The following GALNT14 variants were observed in gnomAD, a reference collection of about 807,000 sequenced individuals.
The protein encoded by GALNT14 is UDP-GalNAc:polypeptide N-acetylgalactosaminyltransferase 14.
In GALNT14, 60 loss-of-function variants were observed where a neutral mutation model predicts 77.5. The observed-to-expected ratio is 0.77, with a 90% CI of 0.63 to 0.96. The LOEUF is 0.96. Among genes scored for constraint, GALNT14 ranks in the 40% least tolerant of loss-of-function variants. The pLI is 0.00. For missense variants in GALNT14, 710 were observed against 731.0 expected (o/e 0.97, Z 0.33); for synonymous variants, 280 against 281.7 (o/e 0.99, Z 0.06).
At chr2:31,128,599 C>A (rs1285730229) in intron 1 of GALNT14, among the ~76,000 whole-genome samples, 1 of 152,200 alleles carries the variant, frequency 6.6e-6, no homozygotes, top group Non-Finnish European at 1.5e-5. Flanking sequence ...TAGGAATGAA[C>A]AGCACAGCCT....
chr2:30,917,019 G>A (rs556471661), intron 13 of GALNT14, among the ~76,000 whole-genome samples: 1 of 141,706 alleles, frequency 7.1e-6, no homozygotes, highest in African/African-American at 2.6e-5. Context: ...AGAGGTTGCA[G>A]TGAGCTGAGA....
intron 1 of GALNT14, among the ~76,000 whole-genome samples, chr2:31,137,162 C>T (rs1426975147): frequency 1.3e-5 from 2 of 152,306 alleles, no homozygotes; most frequent in East Asian, 3.9e-4. Context: ...TATTGATCTG[C>T]CTTTTGTCAA....
chr2:31,130,787 C>CGCACCTGTGTGTGTGCCT, intron 1 of GALNT14, among the ~76,000 whole-genome samples: 1 of 100,622 alleles, frequency 9.9e-6, no homozygotes, highest in Non-Finnish European at 2.0e-5. Context: ...TGTGTGTGCG[C>CGCACCTGTGTGTGTGCCT]GCGCACCTGT....
rs1320819436 is a variant in GALNT14 at position 30,929,456 on chromosome 2, C to G, written c.1090G>C (p.Asp364His). Residue 364 changes from aspartate (D) to histidine (H), a missense_variant, in exon 11 of 15, where the codon GAT becomes CAT. By Grantham distance (81) the Asp-to-His change is moderately conservative. Coordinates refer to ENST00000349752, the MANE Select transcript of GALNT14 (RefSeq NM_024572.4). ...GCGTAATAGTATTGCTTGTATTCAT[C>G]CATCCACACTTCAGCTGTCCGCTTG... Reference protein sequence around the residue: ...NTKRTAEVWMDEYKQYYYAAR... With the variant: ...NTKRTAEVWMHEYKQYYYAAR... 1 of 1,614,050 alleles carries G rather than the reference C, an allele frequency of 6.2e-7. No homozygotes were observed. The highest frequency in any genetic ancestry group is 8.5e-7 in the Non-Finnish European group (1 of 1,179,994).
intron 9 of GALNT14, among the ~76,000 whole-genome samples, chr2:30,939,362 T>C (rs145350200): frequency 1.3e-5 from 2 of 151,556 alleles, no homozygotes; most frequent in African/African-American, 4.9e-5. Flanking sequence ...CAGAGTAACT[T>C]TGGTGGAAAA....
the GALNT14 span, among the ~76,000 whole-genome samples, chr2:30,900,809 G>A: frequency 6.6e-6 from 1 of 152,234 alleles, no homozygotes; most frequent in East Asian, 1.9e-4. Flanking sequence ...TATCGACGGG[G>A]CTGGGGCTTT....
chr2:31,128,469 A>C (rs1678808133), intron 1 of GALNT14, among the ~76,000 whole-genome samples: 1 of 152,098 alleles, frequency 6.6e-6, no homozygotes, highest in South Asian at 2.1e-4. Flanking sequence ...TTCAAATGAC[A>C]TTTTTCCTCT....
intron 1 of GALNT14, among the ~76,000 whole-genome samples, chr2:31,053,426 A>T (rs1416170228): frequency 6.6e-6 from 1 of 152,016 alleles, no homozygotes; most frequent in Non-Finnish European, 1.5e-5. Flanking sequence ...GACTCTTCTC[A>T]AACCCCAGTT....
At chr2:30,978,234 A>G (rs186303548) in intron 2 of GALNT14, among the ~76,000 whole-genome samples, 1 of 152,060 alleles carries the variant, frequency 6.6e-6, no homozygotes, top group Non-Finnish European at 1.5e-5. Flanking sequence ...CAGCTGCCCA[A>G]ACTGTCACTG....
chr2:31,109,619 C>A (rs145202536), intron 1 of GALNT14, among the ~76,000 whole-genome samples: 115 of 152,308 alleles, frequency 7.6e-4, no homozygotes, highest in African/African-American at 2.6e-3. Flanking sequence ...CAGGAACTGG[C>A]CCCACCGTCC....
intron 2 of GALNT14, among the ~76,000 whole-genome samples, chr2:30,989,700 T>C (rs867930051): frequency 8.0e-6 from 1 of 124,306 alleles, no homozygotes; most frequent in African/African-American, 3.2e-5. Context: ...TTAGTATATA[T>C]ATAAATATAT....
At chr2:31,092,534 C>T (rs1305776970) in intron 1 of GALNT14, among the ~76,000 whole-genome samples, 1 of 152,122 alleles carries the variant, frequency 6.6e-6, no homozygotes, top group Non-Finnish European at 1.5e-5. Context: ...TGCTGAGACT[C>T]AGACATGTGT....
intron 2 of GALNT14, among the ~76,000 whole-genome samples, chr2:30,978,890 G>C (rs1668809863): frequency 6.6e-6 from 1 of 152,218 alleles, no homozygotes; most frequent in Admixed American, 6.5e-5. Context: ...GCTGCTCAGG[G>C]TAAGCATAGA....
At chr2:31,058,131 T>C (rs1674352074) in intron 1 of GALNT14, among the ~76,000 whole-genome samples, 1 of 152,186 alleles carries the variant, frequency 6.6e-6, no homozygotes, top group Non-Finnish European at 1.5e-5. Flanking sequence ...TTCAAAAAAG[T>C]CCTTTCCATG....
At chr2:30,966,002 C>G (rs1262071845) in intron 3 of GALNT14, among the ~76,000 whole-genome samples, 2 of 152,182 alleles carry the variant, frequency 1.3e-5, no homozygotes, top group African/African-American at 2.4e-5. Flanking sequence ...AGGCCTCTGT[C>G]TTTCTATAAA....
chr2:31,002,937 T>C (rs1225310646), intron 1 of GALNT14, among the ~76,000 whole-genome samples: 1 of 152,252 alleles, frequency 6.6e-6, no homozygotes, highest in African/African-American at 2.4e-5. Flanking sequence ...ATCTTCATTT[T>C]AATATTTCCT....
intron 2 of GALNT14, among the ~76,000 whole-genome samples, chr2:30,980,211 G>C (rs1668900346): frequency 6.6e-6 from 1 of 152,358 alleles, no homozygotes; most frequent in East Asian, 1.9e-4. Flanking sequence ...GCAGGGTGCA[G>C]AGCCTGGACC....
chr2:30,906,616 T>C (rs4444589), downstream of GALNT14, among the ~76,000 whole-genome samples: 4,703 of 151,132 alleles, frequency 0.031, 220 homozygotes, highest in African/African-American at 0.11. Context: ...AATGGGAGAC[T>C]TTAACACCCC....
chr2:30,891,453 A>C, the GALNT14 span, among the ~76,000 whole-genome samples: 1 of 152,198 alleles, frequency 6.6e-6, no homozygotes, highest in Admixed American at 6.5e-5. Context: ...GAATGTGATA[A>C]AACAAACACT....
Sources: gnomAD v4.1 joint callset for allele counts (sites outside exome capture counted in the v4.1 genomes callset) on GRCh38, gnomAD v4.1.1 for gene constraint, MANE v1.5 for transcripts, NCBI Gene and HGNC (gene_info 2026-07-23, HGNC 2026-07-21) for gene names.